The following UHRF2 variants were observed in gnomAD, a reference collection of about 807,000 sequenced individuals.
UHRF2 encodes the protein E3 ubiquitin-protein ligase UHRF2.
Under a neutral mutation model 96.8 loss-of-function variants are expected in UHRF2, and 23 were observed. The observed-to-expected ratio is 0.24, with a 90% confidence interval of 0.17 to 0.34. The LOEUF (loss-of-function observed/expected upper bound fraction) is 0.34, where lower values mean the gene tolerates loss of function less well. Among genes scored for constraint, UHRF2 ranks in the 10% least tolerant of loss-of-function variants. The pLI is 1.00. For synonymous variants in UHRF2, 385 were observed against 332.6 expected (o/e 1.16, Z -1.72); for missense variants, 685 against 981.5 (o/e 0.70, Z 4.04).
chr9:6,416,287 C>T (rs1819595424), intron 1 of UHRF2, among the ~76,000 whole-genome samples: 1 of 152,098 alleles, frequency 6.6e-6, no homozygotes, highest in South Asian at 2.1e-4. Flanking sequence ...TGGTCTCTAT[C>T]TAGGACAGGA....
intron 2 of UHRF2, among the ~76,000 whole-genome samples, chr9:6,425,663 T>C (rs1820214222): frequency 6.6e-6 from 1 of 152,062 alleles, no homozygotes. Context: ...CTCGGGAGGC[T>C]GAGGCAGGAG....
intron 4 of UHRF2, among the ~76,000 whole-genome samples, chr9:6,461,593 G>A (rs999788606): frequency 2.0e-5 from 3 of 151,500 alleles, no homozygotes; most frequent in African/African-American, 7.3e-5. Context: ...GGCTGGTCTC[G>A]ACTCCTGCCC....
chr9:6,495,432 C>G (rs1478783005), intron 10 of UHRF2: 1 of 152,178 alleles, frequency 6.6e-6, no homozygotes, highest in Non-Finnish European at 1.5e-5. Context: ...ACCTGTATGT[C>G]TTACAAACAT....
chr9:6,446,253 C>T (rs1057253104), intron 3 of UHRF2, among the ~76,000 whole-genome samples: 22 of 151,914 alleles, frequency 1.4e-4, no homozygotes, highest in African/African-American at 4.8e-4. Context: ...CAGGTTCAAG[C>T]GATTCTCATA....
chr9:6,498,683 C>G (rs990675899), intron 12 of UHRF2: 1 of 153,052 alleles, frequency 6.5e-6, no homozygotes, highest in Non-Finnish European at 1.5e-5. Flanking sequence ...GCTGTTAACC[C>G]ATAAAGACTT....
chr9:6,494,740 AAGTG>A (rs751819229), intron 10 of UHRF2: 2 of 152,164 alleles, frequency 1.3e-5, no homozygotes, highest in Admixed American at 6.5e-5. Context: ...GATTGAGTAA[AAGTG>A]AGTGTTTTTC....
chr9:6,452,296 T>C (rs1821921384), intron 3 of UHRF2, among the ~76,000 whole-genome samples: 1 of 152,236 alleles, frequency 6.6e-6, no homozygotes, highest in African/African-American at 2.4e-5. Context: ...ATGTCCAGGA[T>C]ACAGTCCTAG....
rs539261113 is a variant in UHRF2 at position 6,486,227 on chromosome 9, G to C, written c.1393-594G>C. On this transcript the variant is annotated intron_variant, in intron 8 of 15. Coordinates refer to ENST00000276893, the MANE Select transcript of UHRF2 (RefSeq NM_152896.3). ...GGATGGGTTTGAAGGAGCAAAACTA[G>C]AGGCAGTAAAAAAAGGATCTGTTGT... 2.1e-3 allele frequency among the ~76,000 whole-genome samples: 324 copies of C among 152,294 alleles called. 1 individual carries two copies. The highest frequency in any genetic ancestry group is 3.6e-3 in the Non-Finnish European group (246 of 68,016).
At chr9:6,447,638 A>C (rs1356419233) in intron 3 of UHRF2, among the ~76,000 whole-genome samples, 1 of 152,222 alleles carries the variant, frequency 6.6e-6, no homozygotes, top group African/African-American at 2.4e-5. Context: ...GTTAAGATAC[A>C]TGTTTCTTTC....
intron 3 of UHRF2, among the ~76,000 whole-genome samples, chr9:6,453,756 C>A (rs772711746): frequency 5.9e-5 from 9 of 151,822 alleles, no homozygotes; most frequent in South Asian, 2.1e-4. Flanking sequence ...TACAAAAAAA[C>A]CAACCAGGAG....
intron 2 of UHRF2, among the ~76,000 whole-genome samples, chr9:6,433,190 A>G (rs1165916244): frequency 2.0e-5 from 3 of 152,172 alleles, no homozygotes; most frequent in Non-Finnish European, 2.9e-5. Context: ...CTTTCATTTC[A>G]TAACTCTTAA....
In UHRF2 at chr9:6,469,498, C is replaced by T. The variant is rs553189144; in HGVS notation, c.864-5893C>T. 1.5e-3 allele frequency among the ~76,000 whole-genome samples: 229 copies of T among 151,338 alleles called. 1 individual carries two copies. Among genetic ancestry groups the T allele is most frequent in the African/African-American group, 5.4e-3 (223 of 41,150 alleles). ...GCGCCACTGCACTTCAGCCTGGCGA[C>T]AGAGCGAGACTCTGTCTCAAAAAAA... On this transcript the variant is annotated intron_variant, in intron 4 of 15. Transcript: ENST00000276893.
At chr9:6,457,888 T>C (rs561995050) in intron 3 of UHRF2, among the ~76,000 whole-genome samples, 130 of 152,346 alleles carry the variant, frequency 8.5e-4, no homozygotes, top group Non-Finnish European at 2.4e-4. Context: ...CTTTTTGATA[T>C]ATGCTGCTGG....
chr9:6,435,516 C>T (rs1820792076), intron 3 of UHRF2, among the ~76,000 whole-genome samples: 2 of 152,106 alleles, frequency 1.3e-5, no homozygotes, highest in African/African-American at 2.4e-5. Flanking sequence ...GACGTACTAC[C>T]ACAAACTAAT....
intron 4 of UHRF2, among the ~76,000 whole-genome samples, chr9:6,470,778 A>G (rs181539525): frequency 7.2e-5 from 11 of 152,338 alleles, no homozygotes; most frequent in Non-Finnish European, 8.8e-5. Context: ...CTCTAATGCA[A>G]CTACTAAAAA....
At chr9:6,472,753 G>C (rs1235923084) in intron 4 of UHRF2, among the ~76,000 whole-genome samples, 1 of 152,202 alleles carries the variant, frequency 6.6e-6, no homozygotes, top group Non-Finnish European at 1.5e-5. Flanking sequence ...AGTGTTTTCA[G>C]TAATTGACAG....
At chr9:6,447,130 C>T (rs756984671) in intron 3 of UHRF2, among the ~76,000 whole-genome samples, 6 of 152,148 alleles carry the variant, frequency 3.9e-5, no homozygotes, top group African/African-American at 1.4e-4. Flanking sequence ...ACCTCATGAT[C>T]TGCCCGCTTC....
intron 3 of UHRF2, among the ~76,000 whole-genome samples, chr9:6,440,117 A>G (rs765491979): frequency 6.6e-6 from 1 of 152,182 alleles, no homozygotes; most frequent in Non-Finnish European, 1.5e-5. Context: ...CTAAATTCAC[A>G]AAACTGACAG....
chr9:6,450,156 G>A (rs1035458526), intron 3 of UHRF2, among the ~76,000 whole-genome samples: 5 of 152,140 alleles, frequency 3.3e-5, no homozygotes, highest in African/African-American at 1.2e-4. Flanking sequence ...AATTCCCAAT[G>A]ATTCCTTAAC....
Sources: allele counts gnomAD v4.1 joint callset (sites outside exome capture counted in the v4.1 genomes callset), GRCh38; gene constraint gnomAD v4.1.1; transcripts MANE v1.5; gene names NCBI Gene and HGNC (gene_info 2026-07-23, HGNC 2026-07-21).